The following TNFSF11 variants were observed in gnomAD, a reference collection of about 807,000 sequenced individuals.
TNFSF11 encodes TNF superfamily member 11.
Under a neutral mutation model 32.2 loss-of-function variants are expected in TNFSF11, and 12 were observed. That is an observed-to-expected ratio of 0.37 (90% CI 0.24 to 0.60). The LOEUF is 0.60. Ranked by LOEUF, TNFSF11 falls within the 20% of genes least tolerant of loss-of-function variation. The pLI is 0.66. For missense variants in TNFSF11, 345 were observed against 398.0 expected (o/e 0.87, Z 1.13); for synonymous variants, 172 against 152.1 (o/e 1.13, Z -0.96).
intron 2 of TNFSF11, among the ~76,000 whole-genome samples, chr13:42,592,352 A>G (rs1420784317): frequency 1.3e-5 from 2 of 152,198 alleles, no homozygotes. Flanking sequence ...AATATTCTTG[A>G]ATGGCTCACA....
chr13:42,586,960 C>T (rs1020745007), intron 2 of TNFSF11, among the ~76,000 whole-genome samples: 6 of 152,226 alleles, frequency 3.9e-5, no homozygotes, highest in African/African-American at 1.4e-4. Context: ...AGATTTGTAG[C>T]ACTTTGATCC....
At chr13:42,595,513 C>T (rs1405594488) in intron 2 of TNFSF11, among the ~76,000 whole-genome samples, 2 of 152,106 alleles carry the variant, frequency 1.3e-5, no homozygotes, top group Non-Finnish European at 2.9e-5. Flanking sequence ...GCTCATTAGC[C>T]AAGAGAAGAA....
upstream of TNFSF11, chr13:42,574,099 C>A (rs115355707): frequency 1.3e-3 from 793 of 615,712 alleles, 4 homozygotes; most frequent in African/African-American, 0.014. Flanking sequence ...GATTGGCTCC[C>A]GAGGCCAGGG....
chr13:42,598,226 C>T (rs1243722579), intron 2 of TNFSF11, among the ~76,000 whole-genome samples: 2 of 152,144 alleles, frequency 1.3e-5, no homozygotes, highest in Non-Finnish European at 2.9e-5. Context: ...CTTAGTTCTG[C>T]TTCCTTCTCC....
intron 2 of TNFSF11, among the ~76,000 whole-genome samples, chr13:42,598,045 T>G (rs1868918473): frequency 6.6e-6 from 1 of 152,088 alleles, no homozygotes; most frequent in East Asian, 1.9e-4. Context: ...TGAGGTCTCC[T>G]TATGTTGCCC....
upstream of TNFSF11, among the ~76,000 whole-genome samples, chr13:42,571,242 G>A (rs1290909575): frequency 2.0e-5 from 3 of 152,222 alleles, no homozygotes; most frequent in Non-Finnish European, 4.4e-5. Context: ...AAGACAAGTG[G>A]GAGAGTCCTC....
intron 2 of TNFSF11, among the ~76,000 whole-genome samples, chr13:42,583,029 G>C (rs1873691781): frequency 6.6e-6 from 1 of 152,080 alleles, no homozygotes; most frequent in East Asian, 1.9e-4. Context: ...TATTTCATTG[G>C]TGTGCTGGTT....
Position 42,578,775 on chromosome 13 carries a change from A to G in TNFSF11, c.220-2351A>G, listed in dbSNP as rs536721709. ...GGATCTGGGTGTGGGCATTTTTTTAAGAGAAAGGGGACAAAATCTTTGCAT... is the reference window on the plus strand; with the variant it reads ...GGATCTGGGTGTGGGCATTTTTTTAGGAGAAAGGGGACAAAATCTTTGCAT... On this transcript the variant is annotated intron_variant, in intron 1 of 4. Transcript: ENST00000398795. Among the ~76,000 whole-genome samples, 7 of 152,304 alleles carry G rather than the reference A, an allele frequency of 4.6e-5. No homozygotes were observed. In the East Asian group the frequency reaches 1.4e-3, roughly 29 times the overall value.
chr13:42,600,234 T>C (rs1425027712), intron 2 of TNFSF11, among the ~76,000 whole-genome samples: 1 of 152,236 alleles, frequency 6.6e-6, no homozygotes, highest in African/African-American at 2.4e-5. Flanking sequence ...GACTTCCATA[T>C]AGTGCTTTAA....
upstream of TNFSF11, among the ~76,000 whole-genome samples, chr13:42,572,896 C>A (rs1298638400): frequency 1.3e-5 from 2 of 152,140 alleles, no homozygotes; most frequent in Non-Finnish European, 2.9e-5. Flanking sequence ...GCACAGTAGT[C>A]CCCTGATATC....
chr13:42,577,467 T>C (rs554978090), intron 1 of TNFSF11, among the ~76,000 whole-genome samples: 1 of 152,168 alleles, frequency 6.6e-6, no homozygotes, highest in Non-Finnish European at 1.5e-5. Flanking sequence ...TGCTATATAT[T>C]TACCACATAG....
intron 2 of TNFSF11, among the ~76,000 whole-genome samples, chr13:42,590,265 A>G (rs1462831052): frequency 6.6e-6 from 1 of 152,254 alleles, no homozygotes; most frequent in African/African-American, 2.4e-5. Flanking sequence ...TAATATTGCC[A>G]GAAGCTAGCC....
chr13:42,590,102 A>G (rs1594470715), intron 2 of TNFSF11, among the ~76,000 whole-genome samples: 1 of 152,250 alleles, frequency 6.6e-6, no homozygotes. Flanking sequence ...TCCCAAGGAC[A>G]GGGTCTGTGG....
At chr13:42,574,599 C>CG in intron 1 of TNFSF11, 77 bp downstream of exon 1, 6 of 1,522,872 alleles carry the variant, frequency 3.9e-6, no homozygotes, top group South Asian at 3.5e-5. Flanking sequence ...CTGAGTCTGG[C>CG]GGCAGGGCTG....
intron 1 of TNFSF11, among the ~76,000 whole-genome samples, chr13:42,577,733 G>A (rs904647723): frequency 6.6e-6 from 1 of 152,164 alleles, no homozygotes; most frequent in Non-Finnish European, 1.5e-5. Flanking sequence ...CTGAAAATCT[G>A]ATGTAGAGGT....
chr13:42,606,424 C>T, intron 4 of TNFSF11, 73 bp from the exon 5 acceptor site: 3 of 1,578,444 alleles, frequency 1.9e-6, no homozygotes, highest in Non-Finnish European at 2.6e-6. Flanking sequence ...TTCTCCCTAA[C>T]CTCATAGAAT....
intron 2 of TNFSF11, among the ~76,000 whole-genome samples, chr13:42,599,103 A>G (rs1868983777): frequency 6.6e-6 from 1 of 152,170 alleles, no homozygotes; most frequent in African/African-American, 2.4e-5. Context: ...AGTGAGTCCT[A>G]GGGTTTCTTT....
chr13:42,574,166 G>T lies in TNFSF11; in HGVS notation c.-138G>T. 1 of 1,195,176 alleles carries T rather than the reference G, an allele frequency of 8.4e-7. No individual in the cohort carries two copies. The allele number at this position is 1,195,176 out of a possible 1,614,324, so 74.0% of individuals were successfully genotyped here. On this transcript the variant is annotated 5_prime_UTR_variant, in exon 1 of 5. Coordinates refer to ENST00000398795, the MANE Select transcript of TNFSF11 (RefSeq NM_003701.4). ...CCGGGCGCCCTGCCCGCTCGCCCGC[G>T]CGCCCCAGGACCCAAAGCCGGGCTC...
rs6561062 is a variant in TNFSF11, at chr13:42,597,855, C to G, written c.388-2897C>G. 6.6e-5 allele frequency among the ~76,000 whole-genome samples: 10 copies of G among 152,028 alleles called. 2 individuals carry two copies. The South Asian group carries it at 2.1e-3, about 32-fold the overall frequency. On this transcript the variant is annotated intron_variant, in intron 2 of 4. Coordinates refer to ENST00000398795, the MANE Select transcript of TNFSF11 (RefSeq NM_003701.4). ...TCTTGTTTTTCTTTTTCTTTCTTTT[C>G]TTTTCTTTTTTTTAGACGGGGTCTT... is the stretch of plus-strand genomic sequence containing the variant.
Sources: allele counts gnomAD v4.1 joint callset (sites outside exome capture counted in the v4.1 genomes callset), GRCh38; gene constraint gnomAD v4.1.1; transcripts MANE v1.5; gene names NCBI Gene and HGNC (gene_info 2026-07-23, HGNC 2026-07-21).